The following NRXN3 variants were observed in gnomAD, a reference collection of about 807,000 sequenced individuals.
NRXN3 encodes neurexin 3.
Under a neutral mutation model 137.6 loss-of-function variants are expected in NRXN3, and 32 were observed. The ratio of observed to expected loss-of-function variants is 0.23; its 90% CI spans 0.18 to 0.31. NRXN3 has a LOEUF of 0.31. Ranked by LOEUF, NRXN3 falls within the 10% of genes least tolerant of loss-of-function variation. The probability of loss-of-function intolerance (pLI) is 1.00; values close to 1 mark genes in which losing one functional copy is unlikely to be tolerated. For missense variants in NRXN3, 1,574 were observed against 2,062.5 expected (o/e 0.76, Z 4.59); for synonymous variants, 798 against 784.5 (o/e 1.02, Z -0.29).
chr14:79,106,500 TG>T (rs2052466576), intron 15 of NRXN3, among the ~76,000 whole-genome samples: 1 of 151,752 alleles, frequency 6.6e-6, no homozygotes, highest in East Asian at 1.9e-4. Flanking sequence ...AAAAGTTAAG[TG>T]CATTAAAAAA....
At chr14:79,201,569 T>C (rs2066016743) in intron 15 of NRXN3, 1 of 152,182 alleles carries the variant, frequency 6.6e-6, no homozygotes, top group Admixed American at 6.5e-5. Context: ...GACTCTACTT[T>C]CTTTCTCTAG....
At chr14:79,761,110 C>T (rs2099036856) in intron 19 of NRXN3, among the ~76,000 whole-genome samples, 1 of 151,540 alleles carries the variant, frequency 6.6e-6, no homozygotes, top group Admixed American at 6.6e-5. Flanking sequence ...AGAACAGTGA[C>T]AGATAATGCA....
At chr14:79,579,556 T>C (rs2097695975) in intron 16 of NRXN3, among the ~76,000 whole-genome samples, 1 of 151,864 alleles carries the variant, frequency 6.6e-6, no homozygotes, top group Non-Finnish European at 1.5e-5. Flanking sequence ...AAATAATCGG[T>C]AATAGAAGTT....
chr14:79,794,575 C>G (rs1459005097), intron 19 of NRXN3, among the ~76,000 whole-genome samples: 2 of 152,112 alleles, frequency 1.3e-5, no homozygotes, highest in East Asian at 3.9e-4. Context: ...AGCATGAGCT[C>G]CTGGGGATGT....
At position 78,967,190 on chromosome 14, in the gene NRXN3, T is replaced by C. The variant is rs1031697146; in HGVS notation, c.2778-18T>C. 1.9e-6 allele frequency: 3 copies of C among 1,583,996 alleles called. No individual in the cohort carries two copies. Among genetic ancestry groups the C allele is most frequent in the South Asian group, 1.2e-5 (1 of 86,186 alleles). Reference sequence around the variant, plus strand: ...CGGGGATTTTCCAATTATTGTTTTTTTTTTTTTTTCTTCCTAGGTATATAC... The same window carrying C: ...CGGGGATTTTCCAATTATTGTTTTTCTTTTTTTTTCTTCCTAGGTATATAC... On this transcript the variant is annotated intron_variant, in intron 12 of 20. Coordinates refer to ENST00000335750, the MANE Select transcript of NRXN3 (RefSeq NM_001330195.2).
chr14:79,420,755 T>C (rs2095564594), intron 15 of NRXN3, among the ~76,000 whole-genome samples: 2 of 152,230 alleles, frequency 1.3e-5, no homozygotes, highest in Non-Finnish European at 2.9e-5. Flanking sequence ...ACCTGTAATC[T>C]ATTTATATCA....
chr14:78,669,655 T>C (rs2097917560), intron 6 of NRXN3, among the ~76,000 whole-genome samples: 1 of 152,110 alleles, frequency 6.6e-6, no homozygotes, highest in Non-Finnish European at 1.5e-5. Flanking sequence ...CATTGCTTTT[T>C]CCCTTTTTCT....
At chr14:79,118,730 A>G (rs1160604453) in intron 15 of NRXN3, among the ~76,000 whole-genome samples, 8 of 151,390 alleles carry the variant, frequency 5.3e-5, no homozygotes, top group African/African-American at 1.5e-4. Flanking sequence ...TCCTTGATGA[A>G]TAGTGGGAAA....
chr14:78,829,176 A>G (rs2098975091), intron 10 of NRXN3, among the ~76,000 whole-genome samples: 1 of 152,320 alleles, frequency 6.6e-6, no homozygotes, highest in Admixed American at 6.5e-5. Context: ...AAACTGATCT[A>G]TAATCAGAAT....
intron 16 of NRXN3, among the ~76,000 whole-genome samples, chr14:79,505,345 G>C (rs1358286849): frequency 6.6e-6 from 1 of 152,162 alleles, no homozygotes; most frequent in African/African-American, 2.4e-5. Flanking sequence ...GAGGGTTAGG[G>C]TTGTCATTCT....
At position 78,579,577 on chromosome 14, in the gene NRXN3, T is replaced by C. The variant is rs138365882; in HGVS notation, c.758-65543T>C. On this transcript the variant is annotated intron_variant, in intron 4 of 20. Transcript: ENST00000335750. ...AGAGCCAAAGTGTAAGGAGGCAAGC[T>C]GGAGGCACGTGGTTATATGAGGAGA... Among the ~76,000 whole-genome samples the C allele has an allele frequency of 1.9e-3, 284 of 151,472 alleles. 2 individuals are homozygous for C. The highest frequency in any genetic ancestry group is 6.6e-3 in the African/African-American group (272 of 41,334).
intron 10 of NRXN3, among the ~76,000 whole-genome samples, chr14:78,906,192 T>C (rs559146087): frequency 1.3e-5 from 2 of 152,188 alleles, no homozygotes; most frequent in African/African-American, 4.8e-5. Context: ...TTATATTATA[T>C]AATTATAATT....
chr14:79,267,279 A>G (rs1568860638), intron 15 of NRXN3, among the ~76,000 whole-genome samples: 1 of 152,182 alleles, frequency 6.6e-6, no homozygotes, highest in African/African-American at 2.4e-5. Flanking sequence ...AATTAAGGAT[A>G]TAGAATTATT....
intron 15 of NRXN3, among the ~76,000 whole-genome samples, chr14:79,145,006 A>G (rs2059156866): frequency 6.6e-6 from 1 of 152,084 alleles, no homozygotes; most frequent in African/African-American, 2.4e-5. Context: ...GCTAGAGTCA[A>G]TCCTTTATCC....
intron 4 of NRXN3, among the ~76,000 whole-genome samples, chr14:78,529,610 A>G (rs889285459): frequency 1.4e-4 from 21 of 152,174 alleles, no homozygotes; most frequent in Non-Finnish European, 7.4e-5. Context: ...GCTTTAGTCA[A>G]CAGAGGCTGT....
chr14:78,489,519 G>C (rs897013148), intron 4 of NRXN3, among the ~76,000 whole-genome samples: 1 of 152,056 alleles, frequency 6.6e-6, no homozygotes, highest in African/African-American at 2.4e-5. Flanking sequence ...TCCTCTCTGT[G>C]GGCATAACTA....
intron 4 of NRXN3, chr14:78,526,805 T>C: frequency 1.9e-6 from 1 of 514,770 alleles, no homozygotes; most frequent in South Asian, 1.4e-5. Flanking sequence ...CAGCGATGAA[T>C]AAAGTCTGTG....
intron 4 of NRXN3, among the ~76,000 whole-genome samples, chr14:78,640,240 C>T (rs1038537706): frequency 6.6e-6 from 1 of 152,166 alleles, no homozygotes; most frequent in African/African-American, 2.4e-5. Context: ...AACATCTAGG[C>T]TGAACCAGTT....
chr14:79,565,421 G>T (rs914035509), intron 16 of NRXN3, among the ~76,000 whole-genome samples: 1 of 150,740 alleles, frequency 6.6e-6, no homozygotes, highest in African/African-American at 2.4e-5. Flanking sequence ...ATTGCCAGGG[G>T]TCCCCAAGAA....
Sources: allele counts gnomAD v4.1 joint callset (sites outside exome capture counted in the v4.1 genomes callset), GRCh38; gene constraint gnomAD v4.1.1; transcripts MANE v1.5; gene names NCBI Gene and HGNC (gene_info 2026-07-23, HGNC 2026-07-21).